The following DNAH9 variants were observed in gnomAD, a reference collection of about 807,000 sequenced individuals.
DNAH9 encodes dynein axonemal heavy chain 9.
DNAH9 carries 345 observed loss-of-function variants against 471.6 expected under a neutral mutation model. That is an observed-to-expected ratio of 0.73 (90% CI 0.67 to 0.80). The LOEUF is 0.80. Ranked by LOEUF, DNAH9 falls within the 30% of genes least tolerant of loss-of-function variation. The probability of loss-of-function intolerance (pLI) is 0.00; values close to 1 mark genes in which losing one functional copy is unlikely to be tolerated. For missense variants in DNAH9, 5,407 were observed against 5,609.2 expected, an observed-to-expected ratio of 0.96 and a Z score of 1.15; for synonymous variants, 2,093 against 2,123.6, an observed-to-expected ratio of 0.99 and a Z score of 0.40.
intron 26 of DNAH9, among the ~76,000 whole-genome samples, chr17:11,707,411 A>C (rs529028643): frequency 6.6e-6 from 1 of 152,356 alleles, no homozygotes; most frequent in African/African-American, 2.4e-5. Context: ...ATTCAGTTAA[A>C]TTGCAGTCAC....
At chr17:11,687,045 C>A (rs180714673) in intron 19 of DNAH9, among the ~76,000 whole-genome samples, 2 of 152,068 alleles carry the variant, frequency 1.3e-5, no homozygotes, top group Non-Finnish European at 2.9e-5. Flanking sequence ...TTGCTGGGCC[C>A]CTTGCCATGA....
intron 17 of DNAH9, among the ~76,000 whole-genome samples, chr17:11,670,963 A>T (rs774507558): frequency 6.6e-6 from 1 of 152,158 alleles, no homozygotes; most frequent in Non-Finnish European, 1.5e-5. Flanking sequence ...TTGACTTCCC[A>T]AAGTGCTGGG....
intron 50 of DNAH9, among the ~76,000 whole-genome samples, chr17:11,862,928 A>T (rs886650905): frequency 6.6e-6 from 1 of 151,722 alleles, no homozygotes; most frequent in African/African-American, 2.4e-5. Flanking sequence ...GGGCTGAGAC[A>T]ATGGGGTTTT....
At chr17:11,815,764 G>A (rs547649629) in intron 45 of DNAH9, among the ~76,000 whole-genome samples, 9 of 152,174 alleles carry the variant, frequency 5.9e-5, no homozygotes, top group African/African-American at 2.2e-4. Context: ...AATCCAGCCT[G>A]GCTGACAGAG....
At chr17:11,687,735 C>G (rs2074263636) in intron 19 of DNAH9, among the ~76,000 whole-genome samples, 1 of 151,958 alleles carries the variant, frequency 6.6e-6, no homozygotes, top group Admixed American at 6.6e-5. Flanking sequence ...CACACAGAAG[C>G]AAGAAAACCT....
chr17:11,621,454 GA>G lies in DNAH9; in HGVS notation c.1350+1675del, dbSNP rs1309574406. Among the ~76,000 whole-genome samples the G allele has an allele frequency of 5.9e-5, 9 of 151,338 alleles. No individual in the cohort carries two copies. The South Asian group carries it at 1.9e-3, about 32-fold the overall frequency. The stretch of plus-strand genomic sequence containing the variant: ...GACAAGAGCCAGAGGGACAGGGAAG[GA>G]ACAAGAATCATATTCCCAGCTGTCA... On this transcript the variant is annotated intron_variant, in intron 6 of 68. Transcript: ENST00000262442.
chr17:11,651,304 C>G lies in DNAH9; in HGVS notation c.2333C>G (p.Thr778Ser). The change falls in exon 13 of 69, where the codon ACT (threonine) becomes AGT (serine). Residue 778 changes from threonine to serine, a missense_variant. Thr to Ser is a moderately conservative substitution (Grantham distance 58, BLOSUM62 1). Around this residue, in one of 3 missense-constraint regions of DNAH9, gnomAD observed 4,636 missense variants for 4,900.3 expected, o/e 0.95. Transcript: ENST00000262442. Reference protein sequence around the residue: ...IDLRLRAAEETLNWKTEGICD... With the variant: ...IDLRLRAAEESLNWKTEGICD... ...CTCCGCCTCAGAGCAGCAGAGGAGA[C>G]TTTGAACTGGAAAACAGAAGGTAAC... is the stretch of plus-strand genomic sequence containing the variant. 1.9e-6 allele frequency: 3 copies of G among 1,613,294 alleles called. No homozygotes were observed. The highest frequency in any genetic ancestry group is 2.5e-6 in the Non-Finnish European group (3 of 1,179,706).
intron 68 of DNAH9, among the ~76,000 whole-genome samples, chr17:11,963,090 G>A (rs1212136421): frequency 6.6e-6 from 1 of 151,918 alleles, no homozygotes; most frequent in Non-Finnish European, 1.5e-5. Context: ...GTTATGATGA[G>A]GTCATACTGG....
At chr17:11,763,811 G>A (rs1967822268) in intron 36 of DNAH9, among the ~76,000 whole-genome samples, 197 bp downstream of exon 36, 2 of 152,170 alleles carry the variant, frequency 1.3e-5, no homozygotes, top group Admixed American at 1.3e-4. Flanking sequence ...AGATACATGA[G>A]GTCGTGGTGT....
In DNAH9 at chr17:11,877,624, C is replaced by T. The variant is rs139762623; in HGVS notation, c.10478+2440C>T. Among the ~76,000 whole-genome samples, 347 of 152,104 alleles carry T rather than the reference C, an allele frequency of 2.3e-3. 4 individuals are homozygous for T. Among genetic ancestry groups the T allele is most frequent in the East Asian group, 0.021 (111 of 5,190 alleles). On this transcript the variant is annotated intron_variant, in intron 53 of 68. Coordinates refer to ENST00000262442, the MANE Select transcript of DNAH9 (RefSeq NM_001372.4). ...TCTGGCCACGTGTCCCAAGCATGCA[C>T]GCACTAAGGTCCAGATCACTCGGGG...
chr17:11,810,553 C>A (rs1969856240), intron 45 of DNAH9, among the ~76,000 whole-genome samples, 184 bp downstream of exon 45: 2 of 152,154 alleles, frequency 1.3e-5, no homozygotes, highest in African/African-American at 4.8e-5. Flanking sequence ...GCTATCCTGG[C>A]TCTTTCATTC....
intron 43 of DNAH9, among the ~76,000 whole-genome samples, chr17:11,802,642 C>G (rs1465144582): frequency 1.0e-5 from 1 of 95,358 alleles, no homozygotes; most frequent in African/African-American, 4.2e-5. Context: ...CAAGAAAACA[C>G]ACAGACAAAA....
intron 36 of DNAH9, among the ~76,000 whole-genome samples, chr17:11,768,148 G>A (rs138617761): frequency 5.3e-5 from 8 of 152,220 alleles, no homozygotes; most frequent in East Asian, 3.9e-4. Flanking sequence ...ATTCTCCCCC[G>A]TGTTCTTCCA....
chr17:11,785,217 T>C (rs948494615), intron 41 of DNAH9, among the ~76,000 whole-genome samples: 1 of 152,090 alleles, frequency 6.6e-6, no homozygotes, highest in Non-Finnish European at 1.5e-5. Flanking sequence ...AGTATCCTCA[T>C]GTAGCCAAGT....
Position 11,621,311 on chromosome 17 carries a change from G to A in DNAH9, c.1350+1530G>A, listed in dbSNP as rs373761616. Among the ~76,000 whole-genome samples, 23 of 151,730 alleles carry A rather than the reference G, an allele frequency of 1.5e-4. No individual in the cohort carries two copies. The South Asian group carries it at 2.5e-3, about 16-fold the overall frequency. On this transcript the variant is annotated intron_variant, in intron 6 of 68. Coordinates refer to ENST00000262442, the MANE Select transcript of DNAH9 (RefSeq NM_001372.4). ...TAGTCCCAGCTACTCGGGAGGCTGA[G>A]GCAGGAGAATCGTTTGAACTCGGGA...
intron 67 of DNAH9, among the ~76,000 whole-genome samples, chr17:11,953,171 G>C (rs551689436): frequency 6.6e-6 from 1 of 152,304 alleles, no homozygotes; most frequent in Admixed American, 6.5e-5. Flanking sequence ...GAATTTGCCA[G>C]GTACATGGCC....
At position 11,822,471 on chromosome 17, in the gene DNAH9, C is replaced by G. The variant is rs761819141; in HGVS notation, c.8884C>G (p.Leu2962Val). Residue 2962 changes from leucine (L) to valine (V), a missense_variant, in exon 47 of 69, where the codon CTA becomes GTA. By Grantham distance (32) the Leu-to-Val change is conservative. Coordinates refer to ENST00000262442, the MANE Select transcript of DNAH9 (RefSeq NM_001372.4). ...CTGTTTCTCCCCTGTGGGAAACAAG[C>G]TAAGAGTCCGCAGCAGGAAGTTCCC... is the stretch of plus-strand genomic sequence containing the variant. The part of the protein sequence containing the change: ...TLCFSPVGNK[L>V]RVRSRKFPAI... 6.2e-7 allele frequency: 1 copy of G among 1,614,192 alleles called. No homozygotes were observed. Among genetic ancestry groups the G allele is most frequent in the Non-Finnish European group, 8.5e-7 (1 of 1,180,036 alleles).
At chr17:11,923,606 C>T (rs537104831) in intron 61 of DNAH9, among the ~76,000 whole-genome samples, 3 of 152,284 alleles carry the variant, frequency 2.0e-5, no homozygotes, top group East Asian at 1.9e-4. Flanking sequence ...CCACTGCGCC[C>T]GGCTCAAGTG....
intron 6 of DNAH9, 66 bp from the exon 7 acceptor site, chr17:11,629,351 T>C (rs2073025655): frequency 7.3e-7 from 1 of 1,377,022 alleles, no homozygotes; most frequent in Non-Finnish European, 1.0e-6. Context: ...ATGCGGTGTT[T>C]GGTTTTTTGT....
Sources: allele counts gnomAD v4.1 joint callset (sites outside exome capture counted in the v4.1 genomes callset), GRCh38; gene constraint gnomAD v4.1.1; regional missense constraint gnomAD v4.1.1; transcripts MANE v1.5; gene names NCBI Gene and HGNC (gene_info 2026-07-23, HGNC 2026-07-21).